The following FBXW7 variants were observed in gnomAD, a reference collection of about 807,000 sequenced individuals.
FBXW7 encodes F-box and WD repeat domain containing 7.
A neutral mutation model predicts 86.3 loss-of-function variants in FBXW7; 11 were observed. The observed-to-expected ratio is 0.13, with a 90% CI of 0.08 to 0.21. The LOEUF (loss-of-function observed/expected upper bound fraction) is 0.21. Among genes scored for constraint, FBXW7 ranks in the 10% least tolerant of loss-of-function variants. The pLI is 1.00. For synonymous variants in FBXW7, 313 were observed against 297.9 expected, an observed-to-expected ratio of 1.05 and a Z score of -0.52; for missense variants, 488 against 847.4, an observed-to-expected ratio of 0.58 and a Z score of 5.27.
intron 2 of FBXW7, among the ~76,000 whole-genome samples, chr4:152,509,748 A>G (rs1349892098): frequency 6.6e-6 from 1 of 152,230 alleles, no homozygotes; most frequent in Non-Finnish European, 1.5e-5. Flanking sequence ...TTGTGAAACA[A>G]TGACCTCACA....
chr4:152,524,997 A>G (rs1749378226), intron 2 of FBXW7, among the ~76,000 whole-genome samples: 1 of 152,236 alleles, frequency 6.6e-6, no homozygotes, highest in Non-Finnish European at 1.5e-5. Context: ...AGTATTACAT[A>G]CATAATAATC....
chr4:152,503,404 G>C (rs890921089), intron 2 of FBXW7, among the ~76,000 whole-genome samples: 1 of 151,956 alleles, frequency 6.6e-6, no homozygotes, highest in Non-Finnish European at 1.5e-5. Flanking sequence ...CAAGTAGCTG[G>C]CATTACAGAT....
At chr4:152,496,450 G>C (rs576208930) in intron 2 of FBXW7, among the ~76,000 whole-genome samples, 15 of 151,904 alleles carry the variant, frequency 9.9e-5, no homozygotes, top group Admixed American at 8.5e-4. Context: ...CCAGCACTTC[G>C]AGAAGCTGAG....
intron 4 of FBXW7, among the ~76,000 whole-genome samples, chr4:152,360,641 T>C (rs967801119): frequency 2.0e-5 from 3 of 152,032 alleles, no homozygotes; most frequent in East Asian, 1.9e-4. Context: ...ATAGAGCATT[T>C]TGAAGTCTCA....
At chr4:152,420,675 A>G (rs1048935337) in intron 2 of FBXW7, among the ~76,000 whole-genome samples, 3 of 152,214 alleles carry the variant, frequency 2.0e-5, no homozygotes, top group South Asian at 2.1e-4. Flanking sequence ...GTACATCTCC[A>G]TCAGAGTTCT....
intron 2 of FBXW7, among the ~76,000 whole-genome samples, chr4:152,524,647 C>T (rs985811438): frequency 6.6e-6 from 1 of 152,112 alleles, no homozygotes; most frequent in African/African-American, 2.4e-5. Flanking sequence ...CTCAAAACTT[C>T]CGGAGCCACT....
chr4:152,331,884 T>C (rs1469983550), intron 8 of FBXW7, among the ~76,000 whole-genome samples: 1 of 151,994 alleles, frequency 6.6e-6, no homozygotes. Context: ...AAAAGCAGGA[T>C]GACAAACCAA....
At chr4:152,466,285 G>C (rs893214323) in intron 2 of FBXW7, among the ~76,000 whole-genome samples, 7 of 152,344 alleles carry the variant, frequency 4.6e-5, no homozygotes, top group African/African-American at 1.7e-4. Context: ...GCTGGGCGCA[G>C]TGGCTCAAGC....
At chr4:152,421,034 T>C (rs552097634) in intron 2 of FBXW7, among the ~76,000 whole-genome samples, 8 of 152,278 alleles carry the variant, frequency 5.3e-5, no homozygotes, top group Non-Finnish European at 1.0e-4. Context: ...TTCATCTACA[T>C]TGAAAATCTT....
intron 2 of FBXW7, among the ~76,000 whole-genome samples, chr4:152,431,675 G>A (rs1232909247): frequency 6.6e-6 from 1 of 152,154 alleles, no homozygotes; most frequent in African/African-American, 2.4e-5. Context: ...AACCTCCCAG[G>A]AACCCAGAGA....
chr4:152,387,587 G>A (rs1344548916), intron 4 of FBXW7, among the ~76,000 whole-genome samples: 2 of 121,548 alleles, frequency 1.6e-5, no homozygotes. Context: ...AAATTATCAA[G>A]CTTGTATTAG....
intron 4 of FBXW7, among the ~76,000 whole-genome samples, chr4:152,385,213 C>T (rs1268150809): frequency 6.6e-6 from 1 of 151,888 alleles, no homozygotes; most frequent in Non-Finnish European, 1.5e-5. Context: ...ATAGAAGATA[C>T]AATTTTAACA....
chr4:152,492,371 A>G (rs1374731056), intron 2 of FBXW7, among the ~76,000 whole-genome samples: 1 of 152,188 alleles, frequency 6.6e-6, no homozygotes, highest in Non-Finnish European at 1.5e-5. Context: ...TTTTGTGGAC[A>G]TGTTTTCATT....
chr4:152,473,147 G>A (rs965019759), intron 2 of FBXW7, among the ~76,000 whole-genome samples: 2 of 152,200 alleles, frequency 1.3e-5, no homozygotes, highest in African/African-American at 4.8e-5. Flanking sequence ...AGGAGGCTGA[G>A]GTGGGAAGAT....
rs2126882240 is a variant in FBXW7, at chr4:152,411,727, C to A, written c.77G>T (p.Ser26Ile). The A allele has an allele frequency of 6.2e-7, 1 of 1,613,666 alleles. No individual in the cohort carries two copies. Among genetic ancestry groups the A allele is most frequent in the Non-Finnish European group, 8.5e-7 (1 of 1,179,808 alleles). ...GGSLRGNPSS[S>I]QVDEEQMNRV... ...ATTCATCTGTTCTTCATCTACCTGGCTTGAGGAAGGGTTACCTCTCAGAGA... is the reference window on the plus strand; with the variant it reads ...ATTCATCTGTTCTTCATCTACCTGGATTGAGGAAGGGTTACCTCTCAGAGA... Residue 26 changes from serine (S) to isoleucine (I), a missense_variant, in exon 4 of 14, where the codon AGC (serine) becomes ATC (isoleucine). Around this residue, in one of 4 missense-constraint regions of FBXW7, gnomAD observed 230 missense variants for 240.0 expected, o/e 0.96. Coordinates refer to ENST00000281708, the MANE Select transcript of FBXW7 (RefSeq NM_001349798.2).
chr4:152,444,764 C>T (rs1741220358), intron 2 of FBXW7, among the ~76,000 whole-genome samples: 1 of 152,172 alleles, frequency 6.6e-6, no homozygotes, highest in Non-Finnish European at 1.5e-5. Context: ...GTGATTCTTT[C>T]AATGTGCCCT....
chr4:152,520,848 G>C (rs1377294102), intron 2 of FBXW7, among the ~76,000 whole-genome samples: 3 of 152,176 alleles, frequency 2.0e-5, no homozygotes, highest in African/African-American at 7.2e-5. Flanking sequence ...TTTACTTCTA[G>C]GATATGCTTT....
At chr4:152,479,722 T>C (rs28587268) in intron 2 of FBXW7, among the ~76,000 whole-genome samples, 72,098 of 152,022 alleles carry the variant, frequency 0.47, 20,314 homozygotes, top group African/African-American at 0.79. Context: ...AAAAGGAACA[T>C]GGTATCAGGC....
chr4:152,351,795 T>G (rs990904722), intron 4 of FBXW7, among the ~76,000 whole-genome samples: 1 of 152,136 alleles, frequency 6.6e-6, no homozygotes, highest in African/African-American at 2.4e-5. Flanking sequence ...AAAACATTGG[T>G]GCAAATACCA....
Sources: allele counts gnomAD v4.1 joint callset (sites outside exome capture counted in the v4.1 genomes callset), GRCh38; gene constraint gnomAD v4.1.1; regional missense constraint gnomAD v4.1.1; transcripts MANE v1.5; gene names NCBI Gene and HGNC (gene_info 2026-07-23, HGNC 2026-07-21).